The following CAMK2B variants were observed in gnomAD, a reference collection of about 807,000 sequenced individuals.
CAMK2B encodes calcium/calmodulin dependent protein kinase II beta, also known as calcium/calmodulin-dependent protein kinase type II subunit beta.
CAMK2B carries 27 observed loss-of-function variants against 93.7 expected under a neutral mutation model. The observed-to-expected ratio is 0.29, with a 90% CI of 0.21 to 0.40. The LOEUF is 0.40. Among genes scored for constraint, CAMK2B ranks in the 10% least tolerant of loss-of-function variants. The pLI, the probability that CAMK2B is intolerant of heterozygous loss-of-function variation, is 1.00. For synonymous variants in CAMK2B, 374 were observed against 358.8 expected, an observed-to-expected ratio of 1.04 and a Z score of -0.48; for missense variants, 568 against 895.8, an observed-to-expected ratio of 0.63 and a Z score of 4.67.
chr7:44,251,252 G>A (rs2096777747), intron 5 of CAMK2B, among the ~76,000 whole-genome samples: 1 of 152,212 alleles, frequency 6.6e-6, no homozygotes. Flanking sequence ...CAGACATGGG[G>A]CTCTGCCTGG....
chr7:44,241,899 T>C (rs1332014137), intron 10 of CAMK2B, 116 bp from the exon 11 acceptor site: 18 of 810,570 alleles, frequency 2.2e-5, no homozygotes, highest in South Asian at 9.5e-5. Context: ...CCGGCCACCA[T>C]TGCGGCAAGG....
chr7:44,291,624 C>A (rs779747575), intron 1 of CAMK2B, among the ~76,000 whole-genome samples: 5 of 152,258 alleles, frequency 3.3e-5, no homozygotes, highest in Non-Finnish European at 7.3e-5. Flanking sequence ...TCACTTCACA[C>A]ACGAACCCCA....
chr7:44,285,090 T>A (rs959604258), intron 1 of CAMK2B, among the ~76,000 whole-genome samples: 3 of 152,114 alleles, frequency 2.0e-5, no homozygotes, highest in African/African-American at 7.2e-5. Context: ...CTGCCCTGGC[T>A]TCAGGGCGCC....
chr7:44,256,684 A>G (rs1320746349), intron 4 of CAMK2B, among the ~76,000 whole-genome samples: 1 of 152,268 alleles, frequency 6.6e-6, no homozygotes, highest in Non-Finnish European at 1.5e-5. Flanking sequence ...GTCCAGGCAC[A>G]GAACAGTGGC....
intron 5 of CAMK2B, among the ~76,000 whole-genome samples, chr7:44,253,297 T>C (rs1355868574): frequency 6.7e-6 from 1 of 150,124 alleles, no homozygotes; most frequent in Non-Finnish European, 1.5e-5. Flanking sequence ...CACTGCAAAC[T>C]CCGCCTCCTG....
At chr7:44,281,032 C>T (rs765980523) in intron 2 of CAMK2B, among the ~76,000 whole-genome samples, 48 of 152,220 alleles carry the variant, frequency 3.2e-4, no homozygotes, top group Non-Finnish European at 6.3e-4. Flanking sequence ...CCCCCACCCC[C>T]AGAACATTTC....
At chr7:44,309,289 C>T (rs1349562795) in intron 1 of CAMK2B, among the ~76,000 whole-genome samples, 1 of 152,218 alleles carries the variant, frequency 6.6e-6, no homozygotes, top group East Asian at 1.9e-4. Flanking sequence ...AGCCCACCCA[C>T]CTGGGGCCCA....
chr7:44,224,270 C>T lies in CAMK2B; in HGVS notation c.1597+2246G>A, dbSNP rs62459094. Among the ~76,000 whole-genome samples the T allele has an allele frequency of 7.3e-6, 1 of 136,502 alleles. No homozygotes were observed. The highest frequency in any genetic ancestry group is 2.5e-5 in the African/African-American group (1 of 40,266). The allele number at this position is 136,502 out of a possible 152,430, so 89.6% of individuals were successfully genotyped here. On this transcript the variant is annotated intron_variant, in intron 20 of 23. Transcript: ENST00000395749. The surrounding 1 kb of genome is among the most constrained non-coding windows in gnomAD (Gnocchi z 4.4). ...CTGCCCAGACCCCAGCTCAACCCAG[C>T]CCCCACTCTGCCTCCCCACATAGCA...
At chr7:44,245,469 C>G (rs1446920089) in intron 6 of CAMK2B, among the ~76,000 whole-genome samples, 1 of 152,174 alleles carries the variant, frequency 6.6e-6, no homozygotes, top group Non-Finnish European at 1.5e-5. Flanking sequence ...GGAGGAGGTA[C>G]CACTGACCTC....
chr7:44,220,807 C>CG lies in CAMK2B; in HGVS notation c.1673+18_1673+19insC, dbSNP rs770107547. On this transcript the variant is annotated intron_variant, in intron 21 of 23. Transcript: ENST00000395749. ...ACATCCTTGTCCTGCACAGCCCCCC[C>CG]CCAGCCCCAGGGACTCACGCGTAGG... 1.1e-5 allele frequency: 17 copies of CG among 1,561,222 alleles called. No individual in the cohort carries two copies. The highest frequency in any genetic ancestry group is 1.9e-5 in the Admixed American group (1 of 52,546).
At chr7:44,276,534 A>G (rs564330040) in intron 2 of CAMK2B, among the ~76,000 whole-genome samples, 35 of 152,280 alleles carry the variant, frequency 2.3e-4, no homozygotes, top group African/African-American at 7.9e-4. Context: ...CCCAGCCCCA[A>G]TGATCAGAGA....
intron 16 of CAMK2B, 88 bp downstream of exon 16, chr7:44,232,734 C>T (rs2096591352): frequency 3.0e-6 from 4 of 1,331,630 alleles, no homozygotes; most frequent in African/African-American, 1.4e-5. Context: ...ATCTGCCCTC[C>T]ACTCTGGCAC....
chr7:44,231,638 T>TG (rs1342187616), intron 16 of CAMK2B, among the ~76,000 whole-genome samples: 1 of 152,222 alleles, frequency 6.6e-6, no homozygotes, highest in East Asian at 1.9e-4. Context: ...CCAGGAACCT[T>TG]GGCCTGGCCC....
chr7:44,290,350 C>G (rs913300540), intron 1 of CAMK2B, among the ~76,000 whole-genome samples: 1 of 152,236 alleles, frequency 6.6e-6, no homozygotes, highest in Non-Finnish European at 1.5e-5. Context: ...CAAGCACAGC[C>G]CCCTCCCCGC....
chr7:44,291,253 T>C (rs753011833), intron 1 of CAMK2B, among the ~76,000 whole-genome samples: 1 of 150,162 alleles, frequency 6.7e-6, no homozygotes, highest in Non-Finnish European at 1.5e-5. Context: ...GGGGGGAGAG[T>C]GTTTGGGCTC....
chr7:44,248,730 G>A lies in CAMK2B; in HGVS notation c.342-1538C>T, dbSNP rs866688043. On this transcript the variant is annotated intron_variant, in intron 5 of 23. Coordinates refer to ENST00000395749, the MANE Select transcript of CAMK2B (RefSeq NM_001220.5). The surrounding 1 kb of genome is among the most constrained non-coding windows in gnomAD (Gnocchi z 4.1). ...CCTCAAATAGCTCCCACCCGTCTTG[G>A]TCCCATCTGTACAGCGTCAGCCATT... is the stretch of plus-strand genomic sequence containing the variant. 1.6e-4 allele frequency among the ~76,000 whole-genome samples: 25 copies of A among 152,284 alleles called. No individual in the cohort carries two copies. In the South Asian group the frequency reaches 2.5e-3, roughly 15 times the overall value.
chr7:44,231,554 A>G (rs111904009), intron 16 of CAMK2B, among the ~76,000 whole-genome samples: 2,334 of 152,362 alleles, frequency 0.015, 19 homozygotes, highest in Middle Eastern at 0.024. Flanking sequence ...GCTGGTTCCA[A>G]TGAAGCAGCA....
chr7:44,276,379 C>T (rs908378583), intron 2 of CAMK2B, among the ~76,000 whole-genome samples: 6 of 152,180 alleles, frequency 3.9e-5, no homozygotes, highest in Admixed American at 3.9e-4. Flanking sequence ...GCGGGAGCCA[C>T]AAGAAAACTG....
chr7:44,244,499 C>T (rs1337389627), intron 6 of CAMK2B, among the ~76,000 whole-genome samples: 3 of 928 alleles, frequency 3.2e-3, no homozygotes, highest in East Asian at 0.062. Context: ...CTGGGGCCCT[C>T]GGGTCCCTTG....
Sources: gnomAD v4.1 joint callset for allele counts (sites outside exome capture counted in the v4.1 genomes callset) on GRCh38, gnomAD v4.1.1 for gene constraint, Gnocchi (gnomAD v3.1) non-coding constraint, MANE v1.5 for transcripts, NCBI Gene and HGNC (gene_info 2026-07-23, HGNC 2026-07-21) for gene names.